Variants in ROCK2 observed in about 807,000 individuals in gnomAD.
The protein encoded by ROCK2 is rho-associated protein kinase 2.
A neutral mutation model predicts 195.1 loss-of-function variants in ROCK2; 61 were observed. The observed-to-expected ratio is 0.31, with a 90% CI of 0.25 to 0.39. The LOEUF (loss-of-function observed/expected upper bound fraction) is 0.39, where lower values mean the gene tolerates loss of function less well. Ranked by LOEUF, ROCK2 falls within the 10% of genes least tolerant of loss-of-function variation. The probability of loss-of-function intolerance (pLI) is 1.00; values close to 1 mark genes in which losing one functional copy is unlikely to be tolerated. For missense variants in ROCK2, 1,109 were observed against 1,637.4 expected (o/e 0.68, Z 5.57); for synonymous variants, 504 against 545.5 (o/e 0.92, Z 1.06).
intron 3 of ROCK2, among the ~76,000 whole-genome samples, chr2:11,254,538 AT>A (rs997116677): frequency 6.6e-6 from 1 of 152,074 alleles, no homozygotes; most frequent in African/African-American, 2.4e-5. Flanking sequence ...CTTTGGGGTT[AT>A]GGTAAAACAT....
At chr2:11,284,651 T>C (rs1160950680) in intron 3 of ROCK2, among the ~76,000 whole-genome samples, 2 of 152,202 alleles carry the variant, frequency 1.3e-5, no homozygotes, top group Non-Finnish European at 2.9e-5. Flanking sequence ...TTCTATCAAT[T>C]TAGAAATTAT....
In ROCK2 at chr2:11,335,108, T is replaced by TACACAC. The variant is rs59721285; in HGVS notation, c.141+8882_141+8887dup. ...AATCCAAATAGTTCCCTTTGACTGA[T>TACACAC]ACACACACACACACACACACACACA... On this transcript the variant is annotated intron_variant, in intron 1 of 32. Coordinates refer to ENST00000315872, the MANE Select transcript of ROCK2 (RefSeq NM_004850.5). Among the ~76,000 whole-genome samples the TACACAC allele has an allele frequency of 5.7e-3, 829 of 145,114 alleles. 11 individuals are homozygous for TACACAC. Among genetic ancestry groups the TACACAC allele is most frequent in the African/African-American group, 0.019 (736 of 38,982 alleles).
At chr2:11,244,310 AC>A (rs555820148) in intron 4 of ROCK2, among the ~76,000 whole-genome samples, 217 of 152,224 alleles carry the variant, frequency 1.4e-3, no homozygotes, top group African/African-American at 5.0e-3. Context: ...CTGGCCCTTT[AC>A]CAAAAAATGT....
intron 3 of ROCK2, among the ~76,000 whole-genome samples, chr2:11,284,564 A>C (rs1180931910): frequency 6.6e-6 from 1 of 152,212 alleles, no homozygotes; most frequent in Non-Finnish European, 1.5e-5. Flanking sequence ...TCTTAAAAAA[A>C]CTAAAGTCTT....
At chr2:11,338,709 C>G (rs1020318766) in intron 1 of ROCK2, among the ~76,000 whole-genome samples, 3 of 152,004 alleles carry the variant, frequency 2.0e-5, no homozygotes, top group Admixed American at 6.5e-5. Flanking sequence ...TGCATCAACA[C>G]GAGATATCCA....
At chr2:11,326,099 T>A (rs538450741) in intron 1 of ROCK2, among the ~76,000 whole-genome samples, 1 of 152,274 alleles carries the variant, frequency 6.6e-6, no homozygotes, top group East Asian at 1.9e-4. Flanking sequence ...CAAGTAGAGA[T>A]GCCCAGTAGG....
intron 1 of ROCK2, among the ~76,000 whole-genome samples, chr2:11,312,744 A>G (rs568482924): frequency 1.3e-5 from 2 of 152,262 alleles, no homozygotes; most frequent in South Asian, 4.1e-4. Context: ...ATATTGCTTC[A>G]ATAGGTAAAT....
Position 11,192,016 on chromosome 2 carries a change from C to T in ROCK2, c.4163+132G>A, listed in dbSNP as rs1663441384. The T allele has an allele frequency of 3.1e-6, 2 of 635,930 alleles. No homozygotes were observed. Among genetic ancestry groups the T allele is most frequent in the East Asian group, 5.5e-5 (2 of 36,388 alleles). The allele number at this position is 635,930 out of a possible 1,614,324, so 39.4% of individuals were successfully genotyped here. A position where few individuals can be genotyped will look rare whatever the true frequency, so the allele number is the denominator to read the frequency against. On this transcript the variant is annotated intron_variant, in intron 32 of 32. Transcript: ENST00000315872. The surrounding 1 kb of genome is among the most constrained non-coding windows in gnomAD (Gnocchi z 5.0). ...GACATGCACATTAAGACAGTTCCAA[C>T]ATTTGGTATTCCATAGTTAACTAAA... is the stretch of plus-strand genomic sequence containing the variant.
At chr2:11,241,230 G>A (rs760522178) in intron 4 of ROCK2, among the ~76,000 whole-genome samples, 1 of 152,134 alleles carries the variant, frequency 6.6e-6, no homozygotes, top group Admixed American at 6.6e-5. Flanking sequence ...TGAAGTTAGA[G>A]CAGATACTGT....
intron 3 of ROCK2, among the ~76,000 whole-genome samples, chr2:11,252,385 T>C (rs1380130041): frequency 6.8e-6 from 1 of 147,014 alleles, no homozygotes; most frequent in Non-Finnish European, 1.5e-5. Flanking sequence ...CACTCCAGCC[T>C]GGGTGAAAAA....
At chr2:11,290,582 T>G (rs139970605) in intron 1 of ROCK2, among the ~76,000 whole-genome samples, 1 of 152,036 alleles carries the variant, frequency 6.6e-6, no homozygotes, top group East Asian at 1.9e-4. Flanking sequence ...AGGAGAACAT[T>G]TGAAAATGAC....
At chr2:11,272,036 A>AAT (rs1666653332) in intron 3 of ROCK2, among the ~76,000 whole-genome samples, 1 of 151,384 alleles carries the variant, frequency 6.6e-6, no homozygotes, top group Non-Finnish European at 1.5e-5. Context: ...AAAAAAAAAA[A>AAT]GTAGAATTGA....
At chr2:11,205,350 T>C (rs1664011439) in intron 20 of ROCK2, among the ~76,000 whole-genome samples, 1 of 152,324 alleles carries the variant, frequency 6.6e-6, no homozygotes, top group Admixed American at 6.5e-5. Flanking sequence ...CCTGGCCTTA[T>C]ATATACTCCT....
At chr2:11,293,999 T>C (rs1667436434) in intron 1 of ROCK2, among the ~76,000 whole-genome samples, 1 of 151,858 alleles carries the variant, frequency 6.6e-6, no homozygotes, top group African/African-American at 2.4e-5. Context: ...CTACTAAAAA[T>C]ACAAAAAATT....
upstream of ROCK2, among the ~76,000 whole-genome samples, chr2:11,344,934 C>T (rs1449390737): frequency 2.5e-5 from 3 of 120,610 alleles, no homozygotes; most frequent in African/African-American, 7.6e-5. The surrounding 1 kb of genome is among the most constrained non-coding windows in gnomAD (Gnocchi z 5.4). Context: ...CGCCCCCTGC[C>T]CCTCCCGCCG....
intron 1 of ROCK2, among the ~76,000 whole-genome samples, chr2:11,340,893 A>C (rs1669082699): frequency 6.6e-6 from 1 of 152,202 alleles, no homozygotes; most frequent in Admixed American, 6.5e-5. Context: ...TACTCTTTGA[A>C]AGAGTAAAAT....
intron 1 of ROCK2, among the ~76,000 whole-genome samples, chr2:11,321,267 C>A (rs1376163380): frequency 5.9e-5 from 9 of 152,100 alleles, no homozygotes; most frequent in African/African-American, 2.2e-4. Flanking sequence ...CCTCCGCCTC[C>A]AACGTTCAAG....
chr2:11,237,818 C>G (rs953356117), intron 4 of ROCK2, among the ~76,000 whole-genome samples: 3 of 152,218 alleles, frequency 2.0e-5, no homozygotes, highest in African/African-American at 7.2e-5. Flanking sequence ...TGGCTCATGC[C>G]TGTAATCCCA....
chr2:11,286,566 T>A lies in ROCK2; in HGVS notation c.297A>T (p.Gly99=). 6.2e-7 allele frequency: 1 copy of A among 1,611,432 alleles called. No homozygotes were observed. Among genetic ancestry groups the A allele is most frequent in the Non-Finnish European group, 8.5e-7 (1 of 1,177,898 alleles). The change falls in exon 3 of 33, where the codon GGA becomes GGT. Residue 99 remains glycine, a synonymous_variant. Coordinates refer to ENST00000315872, the MANE Select transcript of ROCK2 (RefSeq NM_004850.5). Reference sequence around the variant, plus strand: ...ACTGCACTTCACCAAAAGCACCTCTTCCAATAACTTTTACAACATCATAGT... The same window carrying A: ...ACTGCACTTCACCAAAAGCACCTCTACCAATAACTTTTACAACATCATAGT... The part of the protein sequence containing the change: ...AEDYDVVKVI[G]RGAFGEVQLV...
Sources: allele counts gnomAD v4.1 joint callset (sites outside exome capture counted in the v4.1 genomes callset), GRCh38; gene constraint gnomAD v4.1.1; non-coding constraint Gnocchi (gnomAD v3.1); transcripts MANE v1.5; gene names NCBI Gene and HGNC (gene_info 2026-07-23, HGNC 2026-07-21).